The following COPG2 variants were observed in gnomAD, a reference collection of about 807,000 sequenced individuals.
The protein encoded by COPG2 is coat protein complex I subunit gamma 2, also known as coatomer subunit gamma-2.
COPG2 carries 37 observed loss-of-function variants against 46.3 expected under a neutral mutation model. The ratio of observed to expected loss-of-function variants is 0.80; its 90% CI spans 0.61 to 1.05. The LOEUF (loss-of-function observed/expected upper bound fraction) is 1.05, where lower values mean the gene tolerates loss of function less well. Among genes scored for constraint, COPG2 ranks in the 50% least tolerant of loss-of-function variants. The pLI is 0.00. For missense variants in COPG2, 427 were observed against 387.8 expected, an observed-to-expected ratio of 1.10 and a Z score of -0.85; for synonymous variants, 159 against 129.7, an observed-to-expected ratio of 1.23 and a Z score of -1.53.
At chr7:130,602,100 T>A (rs1236639516) in intron 9 of COPG2, among the ~76,000 whole-genome samples, 1 of 152,188 alleles carries the variant, frequency 6.6e-6, no homozygotes, top group Non-Finnish European at 1.5e-5. Context: ...TTCTCTCAGA[T>A]CCCTGACCAT....
intron 4 of COPG2, among the ~76,000 whole-genome samples, chr7:130,658,827 C>T (rs1554460236): frequency 1.1e-4 from 16 of 151,914 alleles, no homozygotes; most frequent in Non-Finnish European, 1.5e-5. Flanking sequence ...ATTACAGGTG[C>T]CTGCCAGCAC....
rs1554440574 is a variant in COPG2, at chr7:130,508,656, G to A, written c.2153C>T (p.Ala718Val). 1 of 763,258 alleles carries A rather than the reference G, an allele frequency of 1.3e-6. No individual in the cohort carries two copies. The highest frequency in any genetic ancestry group is 1.4e-5 in the South Asian group (1 of 70,996). 47.3% of individuals were successfully genotyped at this position (763,258 alleles called of 1,614,324 possible). A position where few individuals can be genotyped will look rare whatever the true frequency, so the allele number is the denominator to read the frequency against. Residue 718 changes from alanine to valine, a missense_variant, in exon 21 of 24, where the codon GCA (alanine) becomes GTA (valine). Coordinates refer to ENST00000425248, the MANE Select transcript of COPG2 (RefSeq NM_012133.6). ...RLPDDDPTAV[A>V]GSFSCTMKFT... ...CTTCATGGTGCAGCTAAAGGAGCCT[G>A]CAACTGGAGGAGAAGGGAGGCAAAC...
intron 6 of COPG2, 98 bp downstream of exon 6, chr7:130,616,892 T>C: frequency 1.4e-6 from 1 of 722,046 alleles, no homozygotes; most frequent in East Asian, 2.7e-5. Context: ...ATACTGAAAA[T>C]TCACAAAGTC....
At chr7:130,554,888 T>G (rs1489252271) in intron 13 of COPG2, 149 bp downstream of exon 13, 2 of 397,526 alleles carry the variant, frequency 5.0e-6, no homozygotes, top group African/African-American at 4.1e-5. Flanking sequence ...AGCAATGGCA[T>G]GTTTAGTAAT....
chr7:130,583,903 A>T (rs1794212509), intron 9 of COPG2, among the ~76,000 whole-genome samples: 2 of 151,290 alleles, frequency 1.3e-5, no homozygotes, highest in South Asian at 4.2e-4. Context: ...ATTGGTACCA[A>T]TCCTTTTGAA....
intron 5 of COPG2, among the ~76,000 whole-genome samples, chr7:130,651,209 C>T (rs1455302992): frequency 6.6e-6 from 1 of 152,172 alleles, no homozygotes; most frequent in African/African-American, 2.4e-5. Flanking sequence ...TATTCTAGGA[C>T]ATTTGCAAAT....
chr7:130,600,423 G>C (rs868927717), intron 9 of COPG2, among the ~76,000 whole-genome samples: 17 of 152,162 alleles, frequency 1.1e-4, no homozygotes, highest in Middle Eastern at 6.8e-3. Flanking sequence ...ACCACGCCTG[G>C]CTAATTTTTT....
At chr7:130,635,063 C>T (rs1246723657) in intron 5 of COPG2, among the ~76,000 whole-genome samples, 7 of 149,938 alleles carry the variant, frequency 4.7e-5, no homozygotes, top group African/African-American at 1.7e-4. Flanking sequence ...ATGAAGCCAA[C>T]TTGATCATAC....
chr7:130,603,721 CAAAAAAAAAAAAA>C (rs782190006), intron 9 of COPG2: 89 of 203,028 alleles, frequency 4.4e-4, no homozygotes, highest in Non-Finnish European at 6.7e-4. Context: ...AACTCAGTCT[CAAAAAAAAAAAAA>C]AAAAAAAAAA....
intron 20 of COPG2, among the ~76,000 whole-genome samples, chr7:130,520,328 G>A (rs1056068373): frequency 7.4e-4 from 112 of 152,172 alleles, no homozygotes; most frequent in African/African-American, 2.6e-3. Flanking sequence ...ATATAAAAAA[G>A]AAAAAGGAAA....
intron 9 of COPG2, among the ~76,000 whole-genome samples, chr7:130,574,651 C>A (rs553997878): frequency 1.3e-5 from 2 of 152,058 alleles, no homozygotes; most frequent in East Asian, 1.9e-4. Context: ...ACACCTCCCC[C>A]CCCAAAAAAA....
chr7:130,555,173 C>T (rs1793602070), intron 12 of COPG2, 41 bp from the exon 13 acceptor site: 4 of 397,268 alleles, frequency 1.0e-5, no homozygotes, highest in African/African-American at 2.1e-5. Flanking sequence ...TATGACTGTA[C>T]AACTACCACC....
chr7:130,525,950 G>GAAATGAGTAACCTGGACAGCCT (rs1554442004), intron 20 of COPG2, among the ~76,000 whole-genome samples: 7 of 151,408 alleles, frequency 4.6e-5, no homozygotes, highest in Non-Finnish European at 1.0e-4. Context: ...AGGGAAAGAA[G>GAAATGAGTAACCTGGACAGCCT]AAATGAGTGA....
chr7:130,633,631 A>C (rs956700942), intron 5 of COPG2, among the ~76,000 whole-genome samples: 2 of 152,152 alleles, frequency 1.3e-5, no homozygotes, highest in African/African-American at 2.4e-5. Flanking sequence ...CCTTTGTCAG[A>C]TGGATAGACT....
At chr7:130,591,895 A>G (rs2116464074) in intron 9 of COPG2, among the ~76,000 whole-genome samples, 1 of 152,192 alleles carries the variant, frequency 6.6e-6, no homozygotes, top group South Asian at 2.1e-4. Context: ...CCCGTCTGGG[A>G]GGTGTACTCA....
intron 20 of COPG2, among the ~76,000 whole-genome samples, chr7:130,537,977 G>A (rs1029388082): frequency 6.6e-6 from 1 of 152,178 alleles, no homozygotes; most frequent in South Asian, 2.1e-4. Flanking sequence ...GGAAACCACT[G>A]TTCCTTAGAG....
chr7:130,565,023 T>C (rs1319309565), intron 9 of COPG2, among the ~76,000 whole-genome samples: 1 of 152,078 alleles, frequency 6.6e-6, no homozygotes, highest in East Asian at 1.9e-4. Flanking sequence ...CCAAAAAACT[T>C]AAAAGGAAAA....
At chr7:130,618,131 G>C (rs888970604) in intron 5 of COPG2, among the ~76,000 whole-genome samples, 8 of 99,682 alleles carry the variant, frequency 8.0e-5, no homozygotes, top group Admixed American at 1.1e-4. Flanking sequence ...ACTTTTTTTG[G>C]AAGTGTCCTG....
At chr7:130,509,025 G>T in intron 20 of COPG2, 1 of 438,898 alleles carries the variant, frequency 2.3e-6, no homozygotes, top group Non-Finnish European at 4.4e-6. Flanking sequence ...TGTAGGACCT[G>T]ACCAAAAAAA....
Sources: allele counts gnomAD v4.1 joint callset (sites outside exome capture counted in the v4.1 genomes callset), GRCh38; gene constraint gnomAD v4.1.1; transcripts MANE v1.5; gene names NCBI Gene and HGNC (gene_info 2026-07-23, HGNC 2026-07-21).